The following WDFY4 variants were observed in gnomAD, a reference collection of about 807,000 sequenced individuals.
WDFY4 encodes WDFY family member 4, also known as WD repeat- and FYVE domain-containing protein 4.
A neutral mutation model predicts 351.9 loss-of-function variants in WDFY4; 169 were observed. The observed-to-expected ratio is 0.48, with a 90% CI of 0.42 to 0.55. WDFY4 has a LOEUF of 0.55. Among genes scored for constraint, WDFY4 ranks in the 20% least tolerant of loss-of-function variants. WDFY4 has a pLI of 0.00. For synonymous variants in WDFY4, 1,622 were observed against 1,574.6 expected (o/e 1.03, Z -0.71); for missense variants, 3,803 against 3,935.6 (o/e 0.97, Z 0.90).
At chr10:48,832,487 G>A (rs2068223455) in intron 38 of WDFY4, 86 bp from the exon 39 acceptor site, 1 of 1,418,342 alleles carries the variant, frequency 7.1e-7, no homozygotes, top group East Asian at 2.7e-5. Context: ...TCATGCCCCT[G>A]GCTGGCCCTT....
At chr10:48,745,433 C>T in intron 12 of WDFY4, 1 of 247,620 alleles carries the variant, frequency 4.0e-6, no homozygotes, top group Non-Finnish European at 7.9e-6. Context: ...TCCCTTGGAT[C>T]GAATTTGTCA....
intron 5 of WDFY4, among the ~76,000 whole-genome samples, chr10:48,725,635 A>T (rs1027322354): frequency 6.6e-6 from 1 of 152,096 alleles, no homozygotes; most frequent in Admixed American, 6.5e-5. Flanking sequence ...TATTATTCTG[A>T]TTTGGAAGGG....
At chr10:48,709,684 G>A (rs2063720098) in intron 1 of WDFY4, 32 bp from the exon 2 acceptor site, 2 of 1,522,798 alleles carry the variant, frequency 1.3e-6, no homozygotes, top group African/African-American at 2.8e-5. Context: ...TGATGTGACA[G>A]GAATGTTCAC....
intron 51 of WDFY4, among the ~76,000 whole-genome samples, chr10:48,951,117 A>G (rs753870258): frequency 1.3e-5 from 2 of 152,180 alleles, no homozygotes; most frequent in African/African-American, 4.8e-5. Flanking sequence ...TATTCCCTTC[A>G]GGTTTAAGTG....
Position 48,708,450 on chromosome 10 carries a change from G to A in WDFY4, c.-17-1266G>A, listed in dbSNP as rs139125989. Among the ~76,000 whole-genome samples the A allele has an allele frequency of 2.8e-3, 434 of 152,344 alleles. 1 individual carries two copies. The highest frequency in any genetic ancestry group is 5.4e-3 in the Non-Finnish European group (368 of 68,032). On this transcript the variant is annotated intron_variant, in intron 1 of 61. Transcript: ENST00000325239. ...TCCCTCTGGTCACTACTTTGTGATT[G>A]TTGAATGCCTGCTGGGCACCCGGAT... is the stretch of plus-strand genomic sequence containing the variant.
At chr10:48,947,510 G>C (rs1841109919) in intron 51 of WDFY4, among the ~76,000 whole-genome samples, 1 of 152,156 alleles carries the variant, frequency 6.6e-6, no homozygotes, top group South Asian at 2.1e-4. Flanking sequence ...AGTTAAACTT[G>C]AATTCCAGAT....
chr10:48,943,640 T>A (rs1218855769), intron 49 of WDFY4, among the ~76,000 whole-genome samples, 191 bp downstream of exon 49: 1 of 152,018 alleles, frequency 6.6e-6, no homozygotes, highest in African/African-American at 2.4e-5. Context: ...TCGCCCAGGC[T>A]GGAGTGCAAA....
At chr10:48,894,646 G>A (rs1359208833) in intron 44 of WDFY4, among the ~76,000 whole-genome samples, 2 of 152,224 alleles carry the variant, frequency 1.3e-5, no homozygotes, top group Non-Finnish European at 2.9e-5. Context: ...AAGATACAGA[G>A]GACGGAGAGC....
intron 14 of WDFY4, 89 bp from the exon 15 acceptor site, chr10:48,775,623 A>G: frequency 7.9e-7 from 1 of 1,262,964 alleles, no homozygotes; most frequent in Non-Finnish European, 1.1e-6. Flanking sequence ...AGGGAGCTCC[A>G]GGCATCTAGG....
chr10:48,706,345 C>T (rs1296850418), intron 1 of WDFY4, among the ~76,000 whole-genome samples: 2 of 152,126 alleles, frequency 1.3e-5, no homozygotes, highest in East Asian at 3.8e-4. Context: ...ATGAGAATAG[C>T]TGAGACCTCC....
At chr10:48,968,002 G>T (rs1427948747) in intron 55 of WDFY4, 2 of 152,270 alleles carry the variant, frequency 1.3e-5, no homozygotes, top group Non-Finnish European at 2.9e-5. Context: ...GTCAGGCACA[G>T]CCCCTGCCCT....
At chr10:48,850,123 T>C (rs1360770518) in intron 39 of WDFY4, among the ~76,000 whole-genome samples, 1 of 152,214 alleles carries the variant, frequency 6.6e-6, no homozygotes, top group African/African-American at 2.4e-5. Context: ...TGTTAACCCT[T>C]ATCATGGAGT....
Position 48,890,468 on chromosome 10 carries a change from C to A in WDFY4, c.7168-111C>A, listed in dbSNP as rs1230252415. Reference sequence around the variant, plus strand: ...GGACTGCCATTCATACAAGGCACTGCTCTCACCTCCAATTGCCCCATGGAT... The same window carrying A: ...GGACTGCCATTCATACAAGGCACTGATCTCACCTCCAATTGCCCCATGGAT... On this transcript the variant is annotated intron_variant, in intron 43 of 61. Coordinates refer to ENST00000325239, the MANE Select transcript of WDFY4 (RefSeq NM_001394531.1). The A allele has an allele frequency of 4.5e-6, 6 of 1,323,398 alleles. No homozygotes were observed. In the African/African-American group the frequency reaches 5.8e-5, roughly 13 times the overall value. The allele number at this position is 1,323,398 out of a possible 1,614,324, so 82.0% of individuals were successfully genotyped here.
intron 23 of WDFY4, among the ~76,000 whole-genome samples, chr10:48,794,803 A>G (rs769870686): frequency 2.6e-5 from 4 of 152,176 alleles, no homozygotes; most frequent in Non-Finnish European, 4.4e-5. Context: ...GGATTTGGCC[A>G]CCTGGAAGTC....
intron 4 of WDFY4, among the ~76,000 whole-genome samples, chr10:48,722,813 G>C (rs1380089907): frequency 3.3e-5 from 5 of 152,244 alleles, no homozygotes; most frequent in African/African-American, 1.2e-4. Flanking sequence ...GCTCCTGGCA[G>C]GCTGGTCTCC....
chr10:48,815,834 G>C (rs2067601743), intron 31 of WDFY4, among the ~76,000 whole-genome samples: 1 of 151,174 alleles, frequency 6.6e-6, no homozygotes, highest in Non-Finnish European at 1.5e-5. Context: ...TCCTTATTCT[G>C]TTTGTATTTT....
chr10:48,934,081 G>A (rs533094231), intron 47 of WDFY4, among the ~76,000 whole-genome samples: 2 of 152,298 alleles, frequency 1.3e-5, no homozygotes, highest in South Asian at 4.1e-4. Context: ...TGTGATCAGA[G>A]CAGCTTACAG....
intron 47 of WDFY4, among the ~76,000 whole-genome samples, chr10:48,939,420 C>T (rs185973200): frequency 2.0e-5 from 3 of 152,316 alleles, no homozygotes; most frequent in Non-Finnish European, 2.9e-5. Context: ...GGCTTGCTGT[C>T]TTGCTCGGGG....
chr10:48,958,624 G>A (rs1280571334), intron 52 of WDFY4, among the ~76,000 whole-genome samples: 3 of 152,138 alleles, frequency 2.0e-5, no homozygotes, highest in African/African-American at 4.8e-5. Flanking sequence ...AGGCACTGGG[G>A]ATTTAGTTGG....
Sources: gnomAD v4.1 joint callset for allele counts (sites outside exome capture counted in the v4.1 genomes callset) on GRCh38, gnomAD v4.1.1 for gene constraint, MANE v1.5 for transcripts, NCBI Gene and HGNC (gene_info 2026-07-23, HGNC 2026-07-21) for gene names.